ANKRD45: variants seen among roughly 807,000 people sequenced by gnomAD.
ANKRD45 encodes the protein ankyrin repeat domain-containing protein 45.
In ANKRD45, 21 loss-of-function variants were observed where a neutral mutation model predicts 28.1. The ratio of observed to expected loss-of-function variants is 0.75; its 90% CI spans 0.53 to 1.08. The LOEUF (loss-of-function observed/expected upper bound fraction) is 1.08, where lower values mean the gene tolerates loss of function less well. Among genes scored for constraint, ANKRD45 ranks in the 50% least tolerant of loss-of-function variants. ANKRD45 has a pLI of 0.00. For missense variants in ANKRD45, 261 were observed against 308.7 expected, an observed-to-expected ratio of 0.85 and a Z score of 1.16; for synonymous variants, 86 against 103.9, an observed-to-expected ratio of 0.83 and a Z score of 1.05.
chr1:173,685,038 T>C, the ANKRD45 span, among the ~76,000 whole-genome samples: 1 of 152,240 alleles, frequency 6.6e-6, no homozygotes, highest in Non-Finnish European at 1.5e-5. Context: ...GAGGCTTCTC[T>C]TGCTTTACGA....
chr1:173,676,493 T>C, the ANKRD45 span, among the ~76,000 whole-genome samples: 91 of 152,256 alleles, frequency 6.0e-4, 1 homozygote, highest in African/African-American at 2.1e-3. Flanking sequence ...TTCTGCTTGA[T>C]AGTCATAAAC....
At chr1:173,699,407 A>C in the ANKRD45 span, among the ~76,000 whole-genome samples, 1 of 152,150 alleles carries the variant, frequency 6.6e-6, no homozygotes, top group South Asian at 2.1e-4. Flanking sequence ...GATGAACATC[A>C]AAGCAAAAAT....
At chr1:173,664,152 C>G (rs1032751784) in intron 1 of ANKRD45, among the ~76,000 whole-genome samples, 2 of 152,152 alleles carry the variant, frequency 1.3e-5, no homozygotes, top group South Asian at 2.1e-4. Flanking sequence ...AGGACTCTAA[C>G]AGAAGTTAAA....
At chr1:173,653,434 C>A (rs941510011) in intron 2 of ANKRD45, among the ~76,000 whole-genome samples, 1 of 152,136 alleles carries the variant, frequency 6.6e-6, no homozygotes, top group Non-Finnish European at 1.5e-5. Flanking sequence ...ATCCTGAGTT[C>A]TAATTTGATT....
At chr1:173,685,575 G>A in the ANKRD45 span, among the ~76,000 whole-genome samples, 1 of 152,158 alleles carries the variant, frequency 6.6e-6, no homozygotes, top group East Asian at 1.9e-4. Context: ...ATTCCAACCA[G>A]GCATTTGCAT....
In ANKRD45 at chr1:173,609,141, A is replaced by G. The variant is rs746912335; in HGVS notation, c.*1004T>C. The stretch of plus-strand genomic sequence containing the variant: ...AAAATTGAAACTGAATTGCTCATAC[A>G]TTAAAAGGATAAAAAACTAAAAACT... On this transcript the variant is annotated 3_prime_UTR_variant, in exon 6 of 6. Transcript: ENST00000333279. Among the ~76,000 whole-genome samples the G allele has an allele frequency of 2.2e-4, 33 of 152,344 alleles. No homozygotes were observed. Among genetic ancestry groups the G allele is most frequent in the Admixed American group, 1.6e-3 (24 of 15,308 alleles).
At chr1:173,692,485 T>C in the ANKRD45 span, among the ~76,000 whole-genome samples, 1 of 152,116 alleles carries the variant, frequency 6.6e-6, no homozygotes, top group African/African-American at 2.4e-5. Flanking sequence ...GGGGTGACTT[T>C]GAATAGAATG....
intron 3 of ANKRD45, among the ~76,000 whole-genome samples, chr1:173,634,972 G>T (rs577053425): frequency 6.6e-6 from 1 of 152,088 alleles, no homozygotes; most frequent in African/African-American, 2.4e-5. Flanking sequence ...AAAAGCAGAT[G>T]CTGGGTTATG....
At chr1:173,697,310 G>C in the ANKRD45 span, among the ~76,000 whole-genome samples, 37,073 of 151,778 alleles carry the variant, frequency 0.24, 4,935 homozygotes, top group Middle Eastern at 0.37. Flanking sequence ...AGGAAATTCA[G>C]AGAACACCAC....
the ANKRD45 span, among the ~76,000 whole-genome samples, chr1:173,681,761 G>A: frequency 6.6e-6 from 1 of 152,022 alleles, no homozygotes; most frequent in Non-Finnish European, 1.5e-5. Context: ...GATTAAAGAT[G>A]GATGTCAAGG....
At chr1:173,682,049 A>C in the ANKRD45 span, among the ~76,000 whole-genome samples, 1 of 120,054 alleles carries the variant, frequency 8.3e-6, no homozygotes, top group Non-Finnish European at 1.7e-5. Context: ...ACTCTGTCTC[A>C]AAAAAAAAAA....
chr1:173,618,636 C>T (rs963112332), intron 5 of ANKRD45, among the ~76,000 whole-genome samples: 7 of 152,034 alleles, frequency 4.6e-5, no homozygotes, highest in African/African-American at 9.7e-5. Flanking sequence ...TATGGGACTA[C>T]GTAAAAAGAC....
chr1:173,614,807 T>G (rs1211226601), intron 5 of ANKRD45, among the ~76,000 whole-genome samples: 2 of 151,770 alleles, frequency 1.3e-5, no homozygotes, highest in Non-Finnish European at 2.9e-5. Context: ...GTTGGGATTT[T>G]GTTGTTTTAT....
chr1:173,693,846 C>T, the ANKRD45 span, among the ~76,000 whole-genome samples: 8 of 152,310 alleles, frequency 5.3e-5, no homozygotes, highest in East Asian at 1.9e-4. Context: ...CCTTAGCCCC[C>T]ACATCTATAA....
At chr1:173,682,684 TACACACAC>T in the ANKRD45 span, among the ~76,000 whole-genome samples, 244 of 144,030 alleles carry the variant, frequency 1.7e-3, 2 homozygotes, top group African/African-American at 6.0e-3. Context: ...GCCTTTTAAA[TACACACAC>T]ACACACACAC....
the ANKRD45 span, among the ~76,000 whole-genome samples, chr1:173,697,028 T>C: frequency 1.3e-5 from 2 of 152,114 alleles, no homozygotes; most frequent in Admixed American, 1.3e-4. Context: ...ATGCATAAGC[T>C]TCAGTAGCCA....
chr1:173,628,932 CAG>C (rs558394198), intron 3 of ANKRD45, among the ~76,000 whole-genome samples: 21 of 152,108 alleles, frequency 1.4e-4, no homozygotes, highest in South Asian at 2.1e-4. Context: ...CAGCTCAGCA[CAG>C]AGAGAGAGAC....
the ANKRD45 span, among the ~76,000 whole-genome samples, chr1:173,708,772 T>C: frequency 6.6e-6 from 1 of 152,140 alleles, no homozygotes; most frequent in Non-Finnish European, 1.5e-5. Flanking sequence ...AACTAATAAC[T>C]CTAGACTGAG....
the ANKRD45 span, among the ~76,000 whole-genome samples, chr1:173,686,597 G>C: frequency 2.0e-5 from 3 of 152,176 alleles, no homozygotes; most frequent in Non-Finnish European, 4.4e-5. Context: ...ACTTAGTTTT[G>C]AGGGAAAGGA....
Sources: allele counts gnomAD v4.1 joint callset (sites outside exome capture counted in the v4.1 genomes callset), GRCh38; gene constraint gnomAD v4.1.1; transcripts MANE v1.5; gene names NCBI Gene and HGNC (gene_info 2026-07-23, HGNC 2026-07-21).